Variants in SLC30A6 observed in about 807,000 individuals in gnomAD.
The protein encoded by SLC30A6 is solute carrier family 30 member 6.
Under a neutral mutation model 63.0 loss-of-function variants are expected in SLC30A6, and 55 were observed. The ratio of observed to expected loss-of-function variants is 0.87; its 90% CI spans 0.70 to 1.09. The LOEUF (loss-of-function observed/expected upper bound fraction) is 1.09. SLC30A6 is among the 50% of genes least tolerant of loss of function. SLC30A6 has a pLI of 0.00. For synonymous variants in SLC30A6, 224 were observed against 186.1 expected (o/e 1.20, Z -1.66); for missense variants, 587 against 549.2 (o/e 1.07, Z -0.69).
At chr2:32,179,500 A>G (rs989287789) in intron 4 of SLC30A6, among the ~76,000 whole-genome samples, 1 of 152,188 alleles carries the variant, frequency 6.6e-6, no homozygotes, top group Non-Finnish European at 1.5e-5. Context: ...CTTCATTTCC[A>G]GAGTTACTGA....
rs369455883 is a variant in SLC30A6, at chr2:32,204,621, A to G, written c.697A>G (p.Ile233Val). 28 of 1,612,208 alleles carry G rather than the reference A, an allele frequency of 1.7e-5. No homozygotes were observed. Among genetic ancestry groups the G allele is most frequent in the Non-Finnish European group, 2.0e-5 (24 of 1,178,912 alleles). The change falls in exon 11 of 14, where the codon ATA becomes GTA. Residue 233 changes from isoleucine (I) to valine (V), a missense_variant. Coordinates refer to ENST00000282587, the MANE Select transcript of SLC30A6 (RefSeq NM_017964.5). ...TTTTGCCGTAGACACTGCCTCTGCT[A>G]TAGCTATTGCCTTGATGACATTTGG... ...NYFAVDTASA[I>V]AIALMTFGTM...
At chr2:32,169,531 C>T (rs1419454261) in intron 1 of SLC30A6, among the ~76,000 whole-genome samples, 1 of 152,136 alleles carries the variant, frequency 6.6e-6, no homozygotes, top group Non-Finnish European at 1.5e-5. Flanking sequence ...GTAATCCCAG[C>T]ACTTTGGGAG....
chr2:32,212,920 T>TTTTTTTTTTTTC (rs1685377708), intron 13 of SLC30A6, among the ~76,000 whole-genome samples: 1 of 97,332 alleles, frequency 1.0e-5, no homozygotes, highest in South Asian at 3.0e-4. Context: ...TTTTTTTTTT[T>TTTTTTTTTTTTC]TAAGGAGACA....
At chr2:32,212,439 T>C (rs985851953) in intron 13 of SLC30A6, among the ~76,000 whole-genome samples, 1 of 152,062 alleles carries the variant, frequency 6.6e-6, no homozygotes, top group African/African-American at 2.4e-5. Context: ...CATTTTTATG[T>C]GAAATTAGTT....
chr2:32,204,611 T>A lies in SLC30A6; in HGVS notation c.687T>A (p.Thr229=). ...TTAGTAATTATTTTGCCGTAGACAC[T>A]GCCTCTGCTATAGCTATTGCCTTGA... ...IEINNYFAVD[T]ASAIAIALMT... The change falls in exon 11 of 14, where the codon ACT becomes ACA. Residue 229 remains threonine, a synonymous_variant. Transcript: ENST00000282587. The A allele has an allele frequency of 1.9e-6, 3 of 1,611,470 alleles. No individual in the cohort carries two copies. The highest frequency in any genetic ancestry group is 2.5e-6 in the Non-Finnish European group (3 of 1,178,376).
At position 32,170,916 on chromosome 2, in the gene SLC30A6, A is replaced by T. The variant is rs984222115; in HGVS notation, c.4-371A>T. Among the ~76,000 whole-genome samples, 7 of 152,224 alleles carry T rather than the reference A, an allele frequency of 4.6e-5. No homozygotes were observed. In the South Asian group the frequency reaches 8.3e-4, roughly 18 times the overall value. ...CACAACCACATATATAGCTTTAATT[A>T]GGTGAATTTTCAGTAGAAATTTCCA... On this transcript the variant is annotated intron_variant, in intron 1 of 13. Transcript: ENST00000282587.
chr2:32,202,225 GA>G, intron 10 of SLC30A6: 1 of 801,712 alleles, frequency 1.2e-6, no homozygotes, highest in Non-Finnish European at 1.9e-6. Context: ...TCCTGTATAT[GA>G]AGGAAAAGAT....
chr2:32,169,746 C>T (rs1681026185), intron 1 of SLC30A6, among the ~76,000 whole-genome samples: 1 of 152,140 alleles, frequency 6.6e-6, no homozygotes, highest in African/African-American at 2.4e-5. Context: ...ATCAGACTGT[C>T]CTCCTCAAAA....
chr2:32,205,686 AGACAGAGTCTCTCTCTCTT>A (rs1325572642), intron 11 of SLC30A6, among the ~76,000 whole-genome samples: 12 of 36,468 alleles, frequency 3.3e-4, no homozygotes, highest in Non-Finnish European at 6.0e-4. Flanking sequence ...TTTTTTTTTG[AGACAGAGTCTCTCTCTCTT>A]GACCAGGCTG....
In SLC30A6 at chr2:32,222,437, C is replaced by T. The variant is rs529421214; in HGVS notation, c.*1724C>T. The T allele has an allele frequency of 6.4e-4, 97 of 152,266 alleles. No homozygotes were observed. The highest frequency in any genetic ancestry group is 2.0e-3 in the African/African-American group (83 of 41,552). 9.4% of individuals were successfully genotyped at this position (152,266 alleles called of 1,614,324 possible). On this transcript the variant is annotated 3_prime_UTR_variant, in exon 14 of 14. Transcript: ENST00000282587. ...ACAGTTTCTTCAGTCAACTCATTCA[C>T]TTTCAAATAGGAGCAGCACTTTGAA...
chr2:32,197,937 G>C, intron 10 of SLC30A6, 111 bp downstream of exon 10: 3 of 1,274,536 alleles, frequency 2.4e-6, no homozygotes, highest in Non-Finnish European at 3.2e-6. Context: ...CTTATGTCCT[G>C]TGTAACTTAG....
In SLC30A6 at chr2:32,174,096, T is replaced by G; in HGVS notation, c.124T>G (p.Leu42Val). The G allele has an allele frequency of 6.2e-7, 1 of 1,613,802 alleles. No homozygotes were observed. Among genetic ancestry groups the G allele is most frequent in the Non-Finnish European group, 8.5e-7 (1 of 1,179,820 alleles). Reference protein sequence around the residue: ...WKILLFGVINLICTGFLLMWC... With the variant: ...WKILLFGVINVICTGFLLMWC... ...GATACTGCTCTTTGGTGTAATAAAC[T>G]TGATATGTACTGGCTTCCTGCTTAT... The change falls in exon 3 of 14, where the codon TTG (leucine) becomes GTG (valine). Residue 42 changes from leucine to valine, a missense_variant. Transcript: ENST00000282587.
intron 3 of SLC30A6, 46 bp downstream of exon 3, chr2:32,174,193 T>C: frequency 2.1e-6 from 3 of 1,408,624 alleles, no homozygotes; most frequent in Non-Finnish European, 3.0e-6. Context: ...TTTACTTTTA[T>C]TTTTCTCATT....
At chr2:32,197,592 C>G (rs1052245132) in intron 9 of SLC30A6, 115 bp from the exon 10 acceptor site, 45 of 1,464,044 alleles carry the variant, frequency 3.1e-5, no homozygotes, top group Non-Finnish European at 3.9e-5. Flanking sequence ...ATCCTCTTTG[C>G]TTTCTTTAAG....
intron 13 of SLC30A6, among the ~76,000 whole-genome samples, chr2:32,210,011 A>G (rs1167553640): frequency 6.6e-6 from 1 of 152,190 alleles, no homozygotes; most frequent in East Asian, 1.9e-4. Context: ...TTGAAGAACT[A>G]CAGTAACACA....
At chr2:32,193,208 G>A (rs1683492073) in intron 7 of SLC30A6, among the ~76,000 whole-genome samples, 1 of 152,042 alleles carries the variant, frequency 6.6e-6, no homozygotes, top group Non-Finnish European at 1.5e-5. Context: ...CCAGGCCTAG[G>A]AAACACTAAC....
chr2:32,198,435 G>A (rs527286145), intron 10 of SLC30A6, among the ~76,000 whole-genome samples: 1 of 152,132 alleles, frequency 6.6e-6, no homozygotes, highest in East Asian at 1.9e-4. Context: ...ACTTCTATAG[G>A]TGTCTACTTT....
rs1686300824 is a variant in SLC30A6, at chr2:32,224,288, C to A, written c.*3575C>A. 7.6e-6 allele frequency: 4 copies of A among 523,556 alleles called. No individual in the cohort carries two copies. The highest frequency in any genetic ancestry group is 1.3e-5 in the Non-Finnish European group (4 of 300,386). 32.4% of individuals were successfully genotyped at this position (523,556 alleles called of 1,614,324 possible). A position where few individuals can be genotyped will look rare whatever the true frequency, so the allele number is the denominator to read the frequency against. ...GTAACACAAAGATGAATGAGAATTCCTTCAAGGCGCCGATAATCCTAGTAG... is the reference window on the plus strand; with the variant it reads ...GTAACACAAAGATGAATGAGAATTCATTCAAGGCGCCGATAATCCTAGTAG... On this transcript the variant is annotated 3_prime_UTR_variant, in exon 14 of 14. Coordinates refer to ENST00000282587, the MANE Select transcript of SLC30A6 (RefSeq NM_017964.5).
At chr2:32,168,579 A>G (rs762128315) in intron 1 of SLC30A6, among the ~76,000 whole-genome samples, 1 of 152,140 alleles carries the variant, frequency 6.6e-6, no homozygotes. Flanking sequence ...AAAAAACACT[A>G]TAGTTTGGAA....
Sources: allele counts gnomAD v4.1 joint callset (sites outside exome capture counted in the v4.1 genomes callset), GRCh38; gene constraint gnomAD v4.1.1; transcripts MANE v1.5; gene names NCBI Gene and HGNC (gene_info 2026-07-23, HGNC 2026-07-21).